Variants in PTPRD observed in about 807,000 individuals in gnomAD.
PTPRD encodes protein tyrosine phosphatase receptor type D, also known as receptor-type tyrosine-protein phosphatase delta.
PTPRD carries 34 observed loss-of-function variants against 214.5 expected under a neutral mutation model. The ratio of observed to expected loss-of-function variants is 0.16; its 90% CI spans 0.12 to 0.21. The LOEUF (loss-of-function observed/expected upper bound fraction) is 0.21. Ranked by LOEUF, PTPRD falls within the 10% of genes least tolerant of loss-of-function variation. The pLI, the probability that PTPRD is intolerant of heterozygous loss-of-function variation, is 1.00. For missense variants in PTPRD, 2,545 were observed against 2,398.7 expected, an observed-to-expected ratio of 1.06 and a Z score of -1.27; for synonymous variants, 1,128 against 845.7, an observed-to-expected ratio of 1.33 and a Z score of -5.79.
chr9:8,593,876 C>A (rs998453289), intron 14 of PTPRD, among the ~76,000 whole-genome samples: 1 of 152,146 alleles, frequency 6.6e-6, no homozygotes, highest in Admixed American at 6.5e-5. Context: ...TCTTTTCTTT[C>A]TGAGCATTTC....
chr9:9,247,647 G>A (rs1019224563), intron 9 of PTPRD, among the ~76,000 whole-genome samples: 2 of 151,930 alleles, frequency 1.3e-5, no homozygotes, highest in Non-Finnish European at 2.9e-5. Context: ...TCCAATACAA[G>A]GCCCGACTCA....
intron 5 of PTPRD, among the ~76,000 whole-genome samples, chr9:9,794,922 A>G (rs1383600735): frequency 2.0e-5 from 3 of 152,222 alleles, no homozygotes; most frequent in African/African-American, 7.2e-5. Context: ...AGTTTAGAAG[A>G]TGCTGCAATC....
chr9:9,238,603 G>A (rs957782921), intron 9 of PTPRD, among the ~76,000 whole-genome samples: 1 of 152,056 alleles, frequency 6.6e-6, no homozygotes, highest in Non-Finnish European at 1.5e-5. Context: ...AGAGCTAGTA[G>A]CATGCTCACC....
At chr9:10,279,027 G>T (rs541223885) in intron 3 of PTPRD, among the ~76,000 whole-genome samples, 41 of 152,196 alleles carry the variant, frequency 2.7e-4, no homozygotes, top group South Asian at 6.2e-4. Context: ...GCCCGCCTTG[G>T]CCTCCCAAAG....
chr9:10,177,116 G>A (rs2099253321), intron 3 of PTPRD, among the ~76,000 whole-genome samples: 1 of 151,916 alleles, frequency 6.6e-6, no homozygotes, highest in Admixed American at 6.6e-5. Flanking sequence ...AAATGGAAAT[G>A]AAAGTTGCTT....
At chr9:9,399,733 G>A (rs559144977) in intron 8 of PTPRD, among the ~76,000 whole-genome samples, 69 of 152,048 alleles carry the variant, frequency 4.5e-4, no homozygotes, top group South Asian at 1.0e-3. Flanking sequence ...CCCTGCACAC[G>A]CTCCTTTGCT....
intron 5 of PTPRD, among the ~76,000 whole-genome samples, chr9:9,886,343 A>T (rs746706912): frequency 6.6e-6 from 1 of 152,150 alleles, no homozygotes; most frequent in Non-Finnish European, 1.5e-5. Flanking sequence ...TACATAAACA[A>T]GAGTAATATG....
chr9:9,235,064 C>T (rs1296557140), intron 9 of PTPRD, among the ~76,000 whole-genome samples: 1 of 152,162 alleles, frequency 6.6e-6, no homozygotes, highest in Admixed American at 6.6e-5. Flanking sequence ...GTTTAATTGA[C>T]TCACAGTTCC....
chr9:9,644,116 G>A (rs2096065423), intron 7 of PTPRD, among the ~76,000 whole-genome samples: 1 of 152,092 alleles, frequency 6.6e-6, no homozygotes, highest in South Asian at 2.1e-4. Flanking sequence ...ACAATCAAAA[G>A]TGTTTTTGGT....
intron 2 of PTPRD, among the ~76,000 whole-genome samples, chr9:10,541,997 C>A (rs575824455): frequency 1.3e-5 from 2 of 152,062 alleles, no homozygotes; most frequent in South Asian, 4.1e-4. Flanking sequence ...AGGTCATAAC[C>A]CCATTTATAA....
chr9:10,483,831 T>C (rs2099115599), intron 2 of PTPRD, among the ~76,000 whole-genome samples: 1 of 152,146 alleles, frequency 6.6e-6, no homozygotes, highest in Non-Finnish European at 1.5e-5. Context: ...CCGGTGAGAA[T>C]GTAAATTAAT....
At chr9:8,703,745 G>C (rs1436833973) in intron 12 of PTPRD, among the ~76,000 whole-genome samples, 1 of 152,034 alleles carries the variant, frequency 6.6e-6, no homozygotes, top group East Asian at 1.9e-4. Context: ...CCATTTATAT[G>C]CTAGCGACTT....
chr9:10,451,836 G>C (rs533208701), intron 2 of PTPRD, among the ~76,000 whole-genome samples: 2 of 152,036 alleles, frequency 1.3e-5, no homozygotes, highest in South Asian at 2.1e-4. Context: ...AACAAAATGA[G>C]ACAACACTAA....
chr9:8,941,646 A>G (rs2154295189), intron 11 of PTPRD, among the ~76,000 whole-genome samples: 1 of 152,174 alleles, frequency 6.6e-6, no homozygotes, highest in East Asian at 1.9e-4. Flanking sequence ...TAAAAATATT[A>G]TATTTCACAA....
chr9:8,439,433 C>G lies in PTPRD; in HGVS notation c.3989-2744G>C, dbSNP rs542121290. On this transcript the variant is annotated intron_variant, in intron 34 of 45. Coordinates refer to ENST00000381196, the MANE Select transcript of PTPRD (RefSeq NM_002839.4). ...TGTAAGGGTTCTAAAAGTTATCGTACCTTTTCTTTGAAGGGAGAGAGTACT... is the reference window on the plus strand; with the variant it reads ...TGTAAGGGTTCTAAAAGTTATCGTAGCTTTTCTTTGAAGGGAGAGAGTACT... Among the ~76,000 whole-genome samples, 6 of 152,282 alleles carry G rather than the reference C, an allele frequency of 3.9e-5. No individual in the cohort carries two copies. In the South Asian group the frequency reaches 1.2e-3, roughly 32 times the overall value.
chr9:10,551,693 G>A lies in PTPRD; in HGVS notation c.-600+60705C>T, dbSNP rs536379782. On this transcript the variant is annotated intron_variant, in intron 2 of 45. Transcript: ENST00000381196. ...AGAAATAAACTTCTGTTGTTTACAA[G>A]TTACCCAGTCTATGGCATTTTGCTA... 6.6e-5 allele frequency among the ~76,000 whole-genome samples: 10 copies of A among 152,196 alleles called. No homozygotes were observed. In the South Asian group the frequency reaches 2.1e-3, roughly 32 times the overall value.
At chr9:8,647,938 C>T (rs1262644203) in intron 12 of PTPRD, among the ~76,000 whole-genome samples, 1 of 152,226 alleles carries the variant, frequency 6.6e-6, no homozygotes, top group African/African-American at 2.4e-5. Flanking sequence ...TCGCATCATA[C>T]CCATTCCTCC....
intron 9 of PTPRD, among the ~76,000 whole-genome samples, chr9:9,376,966 C>T (rs958184448): frequency 7.2e-5 from 11 of 151,838 alleles, no homozygotes; most frequent in Admixed American, 7.2e-4. Flanking sequence ...AGGGAGCACT[C>T]AATATAAAAA....
intron 3 of PTPRD, among the ~76,000 whole-genome samples, chr9:10,057,714 G>A (rs780942791): frequency 5.9e-5 from 9 of 151,968 alleles, no homozygotes; most frequent in South Asian, 2.1e-4. Context: ...CGTGGTGCAC[G>A]TGTCTGTAGT....
Sources: gnomAD v4.1 joint callset for allele counts (sites outside exome capture counted in the v4.1 genomes callset) on GRCh38, gnomAD v4.1.1 for gene constraint, MANE v1.5 for transcripts, NCBI Gene and HGNC (gene_info 2026-07-23, HGNC 2026-07-21) for gene names.